TPRG1: variants seen among roughly 807,000 people sequenced by gnomAD.
The protein encoded by TPRG1 is tumor protein p63 regulated 1.
A neutral mutation model predicts 29.3 loss-of-function variants in TPRG1; 29 were observed. That is an observed-to-expected ratio of 0.99 (90% CI 0.74 to 1.35). The LOEUF is 1.35. Among genes scored for constraint, TPRG1 ranks in the 40% most tolerant of loss-of-function variants. The pLI, the probability that TPRG1 is intolerant of heterozygous loss-of-function variation, is 0.00. For synonymous variants in TPRG1, 130 were observed against 116.8 expected, an observed-to-expected ratio of 1.11 and a Z score of -0.73; for missense variants, 327 against 335.0, an observed-to-expected ratio of 0.98 and a Z score of 0.19.
chr3:189,203,812 CG>C (rs1042781305), intron 1 of TPRG1, among the ~76,000 whole-genome samples: 16 of 151,996 alleles, frequency 1.1e-4, no homozygotes, highest in African/African-American at 3.6e-4. Flanking sequence ...GAGACTGAGG[CG>C]GGTGGATCAC....
chr3:189,050,382 T>A (rs543364877), intron 4 of TPRG1, among the ~76,000 whole-genome samples: 3 of 152,130 alleles, frequency 2.0e-5, no homozygotes, highest in Non-Finnish European at 4.4e-5. Flanking sequence ...CTAGCTTAAA[T>A]CAGGAAGAAT....
chr3:189,015,454 G>T (rs931436759), intron 3 of TPRG1, among the ~76,000 whole-genome samples: 1 of 152,186 alleles, frequency 6.6e-6, no homozygotes, highest in African/African-American at 2.4e-5. Context: ...TTTTCTGGAA[G>T]AAATTAAAGC....
At chr3:189,100,427 ATC>A (rs1719052476) in intron 1 of TPRG1, among the ~76,000 whole-genome samples, 1 of 152,072 alleles carries the variant, frequency 6.6e-6, no homozygotes, top group African/African-American at 2.4e-5. Flanking sequence ...TCCTTGCCAA[ATC>A]TCTCTCATGG....
chr3:189,295,624 G>A (rs1415537337), intron 4 of TPRG1, among the ~76,000 whole-genome samples: 1 of 151,738 alleles, frequency 6.6e-6, no homozygotes, highest in Non-Finnish European at 1.5e-5. Context: ...TGGGGATATG[G>A]TAGTGGAAAG....
chr3:189,091,739 C>A (rs1397989563), intron 4 of TPRG1, among the ~76,000 whole-genome samples: 3 of 152,162 alleles, frequency 2.0e-5, no homozygotes, highest in Non-Finnish European at 2.9e-5. Context: ...TAGTTATAAA[C>A]ATTTAGAGAT....
At chr3:189,030,177 T>C (rs1309164606) in intron 4 of TPRG1, among the ~76,000 whole-genome samples, 1 of 152,240 alleles carries the variant, frequency 6.6e-6, no homozygotes, top group Non-Finnish European at 1.5e-5. Context: ...GTCTTGCGTT[T>C]CATTTTCTAG....
At position 189,246,443 on chromosome 3, in the gene TPRG1, A is replaced by C. The variant is rs553834848; in HGVS notation, c.479+7534A>C. ...TGTATTTAAAGTGTGTTTGTTGTAG[A>C]AATCACACAGTTGGCTCATGCTTTT... On this transcript the variant is annotated intron_variant, in intron 4 of 5. Transcript: ENST00000345063. Among the ~76,000 whole-genome samples, 7 of 152,310 alleles carry C rather than the reference A, an allele frequency of 4.6e-5. No individual in the cohort carries two copies. The East Asian group carries it at 1.3e-3, about 29-fold the overall frequency.
intron 4 of TPRG1, among the ~76,000 whole-genome samples, chr3:189,066,375 C>G (rs1033162389): frequency 7.9e-5 from 12 of 151,994 alleles, no homozygotes; most frequent in African/African-American, 2.9e-4. Context: ...AAAAAGAAAA[C>G]TACAGGCCAA....
At chr3:189,159,861 TGTGTGTG>T (rs1345214496) in intron 5 of TPRG1, among the ~76,000 whole-genome samples, 3 of 140,836 alleles carry the variant, frequency 2.1e-5, no homozygotes, top group Non-Finnish European at 4.8e-5. Context: ...TGTGTGTGTG[TGTGTGTG>T]GTGGTGGGGG....
chr3:189,116,285 C>A (rs1297232150), intron 1 of TPRG1, among the ~76,000 whole-genome samples: 1 of 152,128 alleles, frequency 6.6e-6, no homozygotes, highest in Non-Finnish European at 1.5e-5. Flanking sequence ...TCAAGCAATT[C>A]TCTGCCTCAG....
intron 4 of TPRG1, among the ~76,000 whole-genome samples, chr3:189,057,866 GTATGTGTGTATATA>G (rs1715835183): frequency 9.0e-6 from 1 of 110,564 alleles, no homozygotes; most frequent in Non-Finnish European, 1.7e-5. Flanking sequence ...ACACACATAC[GTATGTGTGTATATA>G]TATATACGTA....
intron 4 of TPRG1, among the ~76,000 whole-genome samples, chr3:189,148,224 C>T (rs1351842305): frequency 6.6e-6 from 1 of 152,128 alleles, no homozygotes; most frequent in African/African-American, 2.4e-5. Flanking sequence ...TGGTCACTGT[C>T]GTTTTAATGG....
At chr3:189,130,330 G>A (rs555875971) in intron 2 of TPRG1, among the ~76,000 whole-genome samples, 4 of 152,312 alleles carry the variant, frequency 2.6e-5, no homozygotes, top group African/African-American at 7.2e-5. Context: ...GAGAGATTAT[G>A]AGGCTTCAGA....
At chr3:189,106,302 G>A (rs913017586) in intron 1 of TPRG1, among the ~76,000 whole-genome samples, 26 of 151,854 alleles carry the variant, frequency 1.7e-4, no homozygotes, top group Non-Finnish European at 1.9e-4. Flanking sequence ...CCCCACCCTG[G>A]GAATATTGTC....
chr3:189,177,705 G>A (rs1188714857), intron 1 of TPRG1, among the ~76,000 whole-genome samples: 1 of 151,988 alleles, frequency 6.6e-6, no homozygotes, highest in Admixed American at 6.6e-5. Flanking sequence ...GGGGTGGTGA[G>A]AGTGGTCCCA....
At chr3:189,226,055 G>C (rs1278247551) in intron 3 of TPRG1, among the ~76,000 whole-genome samples, 2 of 152,160 alleles carry the variant, frequency 1.3e-5, no homozygotes, top group Non-Finnish European at 2.9e-5. Context: ...CATAATTATA[G>C]TTTGAGACTT....
intron 4 of TPRG1, among the ~76,000 whole-genome samples, chr3:189,060,735 C>T (rs1716049320): frequency 1.3e-5 from 2 of 152,006 alleles, no homozygotes; most frequent in Non-Finnish European, 2.9e-5. Flanking sequence ...TACAGCTAAC[C>T]AGAAAGGTAA....
At chr3:189,057,868 ATGTGTG>A (rs1410256875) in intron 4 of TPRG1, among the ~76,000 whole-genome samples, 4 of 142,340 alleles carry the variant, frequency 2.8e-5, no homozygotes, top group African/African-American at 5.1e-5. Context: ...ACACATACGT[ATGTGTG>A]TATATATATA....
intron 4 of TPRG1, among the ~76,000 whole-genome samples, chr3:189,083,216 A>G (rs952230013): frequency 6.6e-6 from 1 of 152,146 alleles, no homozygotes; most frequent in African/African-American, 2.4e-5. Flanking sequence ...CTTCTCATTG[A>G]TACTGCATGG....
Sources: gnomAD v4.1 joint callset for allele counts (sites outside exome capture counted in the v4.1 genomes callset) on GRCh38, gnomAD v4.1.1 for gene constraint, MANE v1.5 for transcripts, NCBI Gene and HGNC (gene_info 2026-07-23, HGNC 2026-07-21) for gene names.